Variants in PCYT1B observed in about 807,000 individuals in gnomAD.
PCYT1B encodes the protein choline-phosphate cytidylyltransferase B.
In PCYT1B, 10 loss-of-function variants were observed where a neutral mutation model predicts 26.4. The observed-to-expected ratio is 0.38, with a 90% confidence interval of 0.23 to 0.64. PCYT1B has a LOEUF of 0.64. PCYT1B is among the 30% of genes least tolerant of loss of function. PCYT1B has a pLI of 0.56. For synonymous variants in PCYT1B, 131 were observed against 108.4 expected (o/e 1.21, Z -1.29); for missense variants, 161 against 292.7 (o/e 0.55, Z 3.28).
In PCYT1B at chrX:24,559,990, T is replaced by C. The variant is rs1923347257; in HGVS notation, c.*2303A>G. ...ATCCCTGGAATAGGCATTAGTTATT[T>C]CCCATAATTGGCAGCAATGGTGACA... On this transcript the variant is annotated 3_prime_UTR_variant, in exon 8 of 8. Transcript: ENST00000379144. The C allele has an allele frequency of 8.9e-6, 1 of 112,032 alleles. No homozygotes were observed. The highest frequency in any genetic ancestry group is 3.2e-5 in the African/African-American group (1 of 30,835). The allele number at this position is 112,032 out of a possible 1,213,427, so 9.2% of individuals were successfully genotyped here.
chrX:24,671,445 A>C (rs941827519), intron 1 of PCYT1B, among the ~76,000 whole-genome samples: 3 of 111,121 alleles, frequency 2.7e-5, no homozygotes, highest in African/African-American at 9.8e-5. Flanking sequence ...AATTTCTCCA[A>C]ATTTAAGATA....
chrX:24,667,178 G>A (rs765313234), intron 1 of PCYT1B, among the ~76,000 whole-genome samples: 1 of 110,555 alleles, frequency 9.0e-6, no homozygotes. Flanking sequence ...ATTAGCCTTT[G>A]CTCCACCTGT....
intron 4 of PCYT1B, among the ~76,000 whole-genome samples, chrX:24,588,317 C>T (rs753362995): frequency 1.8e-5 from 2 of 111,736 alleles, no homozygotes; most frequent in Non-Finnish European, 3.8e-5. Context: ...CTCTCCAAGC[C>T]ATCCTGCTGT....
At chrX:24,615,706 C>T (rs1002682237) in intron 2 of PCYT1B, among the ~76,000 whole-genome samples, 2 of 111,367 alleles carry the variant, frequency 1.8e-5, no homozygotes, top group Non-Finnish European at 3.8e-5. Context: ...TCAGGTGACC[C>T]GCCTGCCTCC....
At chrX:24,604,996 A>T (rs1309493969) in intron 3 of PCYT1B, among the ~76,000 whole-genome samples, 1 of 111,628 alleles carries the variant, frequency 9.0e-6, no homozygotes, top group Non-Finnish European at 1.9e-5. Context: ...TGAAACAGTT[A>T]TCTCAGAACT....
At chrX:24,599,361 A>G (rs1480884063) in intron 3 of PCYT1B, among the ~76,000 whole-genome samples, 3 of 111,505 alleles carry the variant, frequency 2.7e-5, no homozygotes, top group Non-Finnish European at 5.7e-5. Context: ...GAGTGGCATC[A>G]CTGTAACAAA....
At chrX:24,562,550 G>A (rs1243826766) in intron 7 of PCYT1B, 45 bp from the exon 8 acceptor site, 2 of 1,110,543 alleles carry the variant, frequency 1.8e-6, no homozygotes, top group South Asian at 1.9e-5. Context: ...TTTGCAATCT[G>A]AGGCAGCAGC....
chrX:24,633,744 G>A (rs1158564010), intron 1 of PCYT1B, among the ~76,000 whole-genome samples: 4 of 111,301 alleles, frequency 3.6e-5, no homozygotes, highest in Admixed American at 9.6e-5. Flanking sequence ...TACGCCATAC[G>A]AACTTAACTC....
intron 3 of PCYT1B, among the ~76,000 whole-genome samples, chrX:24,596,765 G>C (rs1196937576): frequency 9.0e-6 from 1 of 110,815 alleles, no homozygotes; most frequent in Non-Finnish European, 1.9e-5. Context: ...CCAAATACTT[G>C]TCCCCATACT....
chrX:24,593,002 C>T (rs112876801), intron 3 of PCYT1B, among the ~76,000 whole-genome samples: 19 of 111,657 alleles, frequency 1.7e-4, no homozygotes, highest in African/African-American at 4.9e-4. Context: ...CAACCTCTGC[C>T]TCCCGGGTTC....
At chrX:24,670,092 G>T (rs1927215524) in intron 1 of PCYT1B, among the ~76,000 whole-genome samples, 1 of 90,255 alleles carries the variant, frequency 1.1e-5, no homozygotes, top group Non-Finnish European at 2.2e-5. Flanking sequence ...AAGAAAGAAA[G>T]AAAGAAAGAA....
In PCYT1B at chrX:24,559,040, G is replaced by A. The variant is rs1923272158; in HGVS notation, c.*3253C>T. 1 of 111,927 alleles carries A rather than the reference G, an allele frequency of 8.9e-6. No homozygotes were observed. Among genetic ancestry groups the A allele is most frequent in the South Asian group, 3.7e-4 (1 of 2,716 alleles). The allele number at this position is 111,927 out of a possible 1,213,427, so 9.2% of individuals were successfully genotyped here. A position where few individuals can be genotyped will look rare whatever the true frequency, so the allele number is the denominator to read the frequency against. On this transcript the variant is annotated 3_prime_UTR_variant, in exon 8 of 8. Coordinates refer to ENST00000379144, the MANE Select transcript of PCYT1B (RefSeq NM_004845.5). ...TTGAAAGGGAGCGGAAAATCGGCTG[G>A]ACGCCGTGGCTCGTGCTCATAATCC...
At chrX:24,651,468 AAAAAATATATATATATATATATATAT>A (rs1926768824), upstream of PCYT1B, among the ~76,000 whole-genome samples, 2 of 33,934 alleles carry the variant, frequency 5.9e-5, no homozygotes, top group East Asian at 1.1e-3. Flanking sequence ...AAAAAAAAAA[AAAAAATATATATATATATATATATAT>A]ATATATATAT....
At chrX:24,604,946 G>A (rs764421891) in intron 3 of PCYT1B, among the ~76,000 whole-genome samples, 2 of 111,330 alleles carry the variant, frequency 1.8e-5, no homozygotes, top group South Asian at 7.6e-4. Flanking sequence ...AGAGGACATC[G>A]TTCTTTGGAT....
chrX:24,633,978 C>T (rs778103456), intron 1 of PCYT1B, among the ~76,000 whole-genome samples: 3 of 111,321 alleles, frequency 2.7e-5, no homozygotes, highest in Non-Finnish European at 5.6e-5. Context: ...AGTTGAAGTG[C>T]GGTGGCACCA....
intron 1 of PCYT1B, among the ~76,000 whole-genome samples, chrX:24,629,750 G>T (rs370063442): frequency 1.8e-5 from 2 of 109,461 alleles, no homozygotes; most frequent in Non-Finnish European, 3.8e-5. Context: ...GGAGATACAG[G>T]CTTCCTTAAA....
chrX:24,608,225 A>C (rs1225863466), intron 2 of PCYT1B, among the ~76,000 whole-genome samples: 1 of 111,189 alleles, frequency 9.0e-6, no homozygotes, highest in African/African-American at 3.3e-5. Context: ...AAATGGCTTC[A>C]TCCTTGGGTG....
chrX:24,579,528 G>A, intron 5 of PCYT1B, 70 bp from the exon 6 acceptor site: 1 of 1,048,465 alleles, frequency 9.5e-7, no homozygotes, highest in Non-Finnish European at 1.3e-6. Flanking sequence ...TCCTTTAATG[G>A]TCCCCCTTTA....
intron 1 of PCYT1B, among the ~76,000 whole-genome samples, chrX:24,637,970 C>T (rs1926346021): frequency 1.8e-5 from 2 of 110,433 alleles, no homozygotes; most frequent in African/African-American, 6.6e-5. Context: ...ACTGTGCCTA[C>T]AGTCAATATT....
Sources: allele counts gnomAD v4.1 joint callset (sites outside exome capture counted in the v4.1 genomes callset), GRCh38; gene constraint gnomAD v4.1.1; transcripts MANE v1.5; gene names NCBI Gene and HGNC (gene_info 2026-07-23, HGNC 2026-07-21).